MCPH1: variants seen among roughly 807,000 people sequenced by gnomAD.
The protein encoded by MCPH1 is microcephalin.
A neutral mutation model predicts 84.5 loss-of-function variants in MCPH1; 104 were observed. The observed-to-expected ratio is 1.23, with a 90% confidence interval of 1.05 to 1.45. The LOEUF is 1.45. Ranked by LOEUF, MCPH1 falls within the 40% of genes most tolerant of loss-of-function variation. The pLI is 0.00. For synonymous variants in MCPH1, 514 were observed against 366.8 expected (o/e 1.40, Z -4.58); for missense variants, 1,498 against 1,005.7 (o/e 1.49, Z -6.62).
At chr8:6,605,410 C>T (rs1474247855) in intron 12 of MCPH1, among the ~76,000 whole-genome samples, 1 of 152,126 alleles carries the variant, frequency 6.6e-6, no homozygotes, top group African/African-American at 2.4e-5. Context: ...ATGCATTCCC[C>T]AAAAGCAGAA....
chr8:6,584,886 C>A (rs1346849991), intron 12 of MCPH1, among the ~76,000 whole-genome samples: 1 of 152,148 alleles, frequency 6.6e-6, no homozygotes, highest in Non-Finnish European at 1.5e-5. Context: ...TAACAAATAG[C>A]AAAACAGAGA....
rs866447304 is a variant in MCPH1 at position 6,554,580 on chromosome 8, T to G, written c.2214+54651T>G. Among the ~76,000 whole-genome samples the G allele has an allele frequency of 3.3e-5, 5 of 152,370 alleles. 1 individual carries two copies. Among genetic ancestry groups the G allele is most frequent in the Middle Eastern group, 6.8e-3 (2 of 294 alleles). The stretch of plus-strand genomic sequence containing the variant: ...TTTTTAATGTATATTTTTAATTTGG[T>G]TGTTGGTTTTTAAAATAGTAAAATA... On this transcript the variant is annotated intron_variant, in intron 12 of 13. Transcript: ENST00000344683.
chr8:6,424,724 T>A lies in MCPH1; in HGVS notation c.234-6775T>A, dbSNP rs575039964. Among the ~76,000 whole-genome samples the A allele has an allele frequency of 5.9e-5, 9 of 152,354 alleles. No homozygotes were observed. In the South Asian group the frequency reaches 1.9e-3, roughly 32 times the overall value. On this transcript the variant is annotated intron_variant, in intron 3 of 13. Coordinates refer to ENST00000344683, the MANE Select transcript of MCPH1 (RefSeq NM_024596.5). ...ATTACTCAACTGCTGGGCTCTAGGT[T>A]CCTCCAGTAGCTCCTGAGTTAACTT...
Position 6,444,649 on chromosome 8 carries a change from A to G in MCPH1, c.927A>G (p.Lys309=). The change falls in exon 8 of 14, where the codon AAA becomes AAG. Residue 309 remains lysine (K), a synonymous_variant. Transcript: ENST00000344683. ...ACTTGCAAAGAAATATTGCAGGTAAAGTAGTCACCCCTGACCAAAAGCAGG... is the reference window on the plus strand; with the variant it reads ...ACTTGCAAAGAAATATTGCAGGTAAGGTAGTCACCCCTGACCAAAAGCAGG... ...EINLQRNIAG[K]VVTPDQKQAA... 1 of 1,614,078 alleles carries G rather than the reference A, an allele frequency of 6.2e-7. No individual in the cohort carries two copies. Among genetic ancestry groups the G allele is most frequent in the Non-Finnish European group, 8.5e-7 (1 of 1,180,038 alleles).
intron 12 of MCPH1, among the ~76,000 whole-genome samples, chr8:6,529,555 ACTT>A (rs1367237875): frequency 4.0e-5 from 6 of 148,642 alleles, no homozygotes; most frequent in Admixed American, 1.3e-4. Flanking sequence ...AGGCTTAAGC[ACTT>A]CTTGTAACCT....
At chr8:6,633,890 A>T (rs186808233) in intron 13 of MCPH1, among the ~76,000 whole-genome samples, 1 of 152,194 alleles carries the variant, frequency 6.6e-6, no homozygotes, top group South Asian at 2.1e-4. Flanking sequence ...TGATCAGAAA[A>T]AGAGGAATAA....
At chr8:6,418,636 G>A (rs1799665759) in intron 3 of MCPH1, among the ~76,000 whole-genome samples, 1 of 152,014 alleles carries the variant, frequency 6.6e-6, no homozygotes, top group African/African-American at 2.4e-5. Context: ...AGGCTGGAGT[G>A]CAGTGGCGCG....
chr8:6,529,397 C>T (rs189578847), intron 12 of MCPH1, among the ~76,000 whole-genome samples: 19 of 151,920 alleles, frequency 1.3e-4, no homozygotes, highest in African/African-American at 4.6e-4. Flanking sequence ...TACCTTCAAA[C>T]AGAGTGGGTA....
chr8:6,429,154 A>G (rs2442525), intron 3 of MCPH1, among the ~76,000 whole-genome samples: 1 of 152,240 alleles, frequency 6.6e-6, no homozygotes, highest in Non-Finnish European at 1.5e-5. Context: ...ATCATTATGA[A>G]TGTGGAAGTT....
chr8:6,492,498 T>A (rs1459195167), intron 11 of MCPH1, among the ~76,000 whole-genome samples: 1 of 151,928 alleles, frequency 6.6e-6, no homozygotes, highest in African/African-American at 2.4e-5. Flanking sequence ...TTTATCAATT[T>A]TGGCTTTTGT....
chr8:6,421,441 AG>A (rs1366322825), intron 3 of MCPH1, among the ~76,000 whole-genome samples: 1 of 152,026 alleles, frequency 6.6e-6, no homozygotes, highest in Non-Finnish European at 1.5e-5. Context: ...CTTAGAGTTC[AG>A]TGGTCTATAG....
intron 12 of MCPH1, among the ~76,000 whole-genome samples, chr8:6,610,278 C>G (rs1830149490): frequency 6.6e-6 from 1 of 152,216 alleles, no homozygotes; most frequent in Non-Finnish European, 1.5e-5. Flanking sequence ...GTTTGGAAAA[C>G]ACGAGCCACC....
Position 6,648,358 on chromosome 8 carries a change from C to T in MCPH1, c.*5309C>T, listed in dbSNP as rs887157358. The T allele has an allele frequency of 6.6e-6, 1 of 152,244 alleles. No individual in the cohort carries two copies. The highest frequency in any genetic ancestry group is 2.4e-5 in the African/African-American group (1 of 41,442). 9.4% of individuals were successfully genotyped at this position (152,244 alleles called of 1,614,324 possible). A position where few individuals can be genotyped will look rare whatever the true frequency, so the allele number is the denominator to read the frequency against. Reference sequence around the variant, plus strand: ...ATCTCTTGCTCTTTGAACTCCATGTCTGTATCAGCTACCCAGAGGACCCAT... The same window carrying T: ...ATCTCTTGCTCTTTGAACTCCATGTTTGTATCAGCTACCCAGAGGACCCAT... On this transcript the variant is annotated 3_prime_UTR_variant, in exon 14 of 14. Transcript: ENST00000344683.
chr8:6,533,244 A>G (rs191841091), intron 12 of MCPH1, among the ~76,000 whole-genome samples: 3 of 152,242 alleles, frequency 2.0e-5, no homozygotes, highest in African/African-American at 4.8e-5. Flanking sequence ...TAATTTTAGC[A>G]TTAACTGAAA....
intron 11 of MCPH1, among the ~76,000 whole-genome samples, chr8:6,491,058 CA>C (rs35833265): frequency 0.6 from 88,841 of 148,720 alleles, 29,420 homozygotes; most frequent in East Asian, 0.78. Context: ...TAAAATTTAT[CA>C]AAAAAAATTT....
chr8:6,452,488 G>C (rs1805202029), intron 8 of MCPH1, among the ~76,000 whole-genome samples: 1 of 152,248 alleles, frequency 6.6e-6, no homozygotes, highest in Non-Finnish European at 1.5e-5. Context: ...AGGAAAATGA[G>C]AGGAAGATAT....
At position 6,436,096 on chromosome 8, in the gene MCPH1, G is replaced by T; in HGVS notation, c.370G>T (p.Asp124Tyr). ...KDFNFKTPEN[D>Y]KRFQKKFEKM... is the part of the protein sequence containing the mutation. ...TTTTAATTTTAAAACACCAGAAAAT[G>T]ATAAGAGATTTCAGAAGAAATTTGA... Residue 124 changes from aspartate (D) to tyrosine (Y), a missense_variant, in exon 5 of 14, where the codon GAT (aspartate) becomes TAT (tyrosine). Coordinates refer to ENST00000344683, the MANE Select transcript of MCPH1 (RefSeq NM_024596.5). 2 of 1,613,682 alleles carry T rather than the reference G, an allele frequency of 1.2e-6. No individual in the cohort carries two copies. The highest frequency in any genetic ancestry group is 1.7e-6 in the Non-Finnish European group (2 of 1,179,730).
intron 9 of MCPH1, among the ~76,000 whole-genome samples, chr8:6,468,260 CTTTG>C (rs936125590): frequency 6.6e-6 from 1 of 152,116 alleles, no homozygotes; most frequent in African/African-American, 2.4e-5. Context: ...CCCTATGGTC[CTTTG>C]TTTGGGGAAG....
At chr8:6,580,247 C>A (rs1213931490) in intron 12 of MCPH1, among the ~76,000 whole-genome samples, 2 of 152,198 alleles carry the variant, frequency 1.3e-5, no homozygotes, top group Non-Finnish European at 2.9e-5. Flanking sequence ...ACTCACGAAG[C>A]CTCCACGATG....
Sources: gnomAD v4.1 joint callset for allele counts (sites outside exome capture counted in the v4.1 genomes callset) on GRCh38, gnomAD v4.1.1 for gene constraint, MANE v1.5 for transcripts, NCBI Gene and HGNC (gene_info 2026-07-23, HGNC 2026-07-21) for gene names.